Variants in GLIS3 observed in about 807,000 individuals in gnomAD.
The protein encoded by GLIS3 is GLIS family zinc finger 3.
Under a neutral mutation model 78.6 loss-of-function variants are expected in GLIS3, and 53 were observed. The observed-to-expected ratio is 0.67, with a 90% confidence interval of 0.54 to 0.85. GLIS3 has a LOEUF of 0.85. Ranked by LOEUF, GLIS3 falls within the 40% of genes least tolerant of loss-of-function variation. GLIS3 has a pLI of 0.00. For synonymous variants in GLIS3, 684 were observed against 509.9 expected (o/e 1.34, Z -4.60); for missense variants, 1,703 against 1,231.1 (o/e 1.38, Z -5.74).
intron 1 of GLIS3, among the ~76,000 whole-genome samples, chr9:4,297,940 G>A (rs532705114): frequency 1.4e-5 from 2 of 143,258 alleles, no homozygotes; most frequent in Non-Finnish European, 3.1e-5. Context: ...CGCGGAGCTA[G>A]GGGCGGGTCC....
the GLIS3 span, among the ~76,000 whole-genome samples, chr9:4,447,879 A>G: frequency 3.3e-5 from 5 of 151,586 alleles, no homozygotes; most frequent in African/African-American, 1.2e-4. Context: ...TCCCTTTTAC[A>G]TTTTTCACTG....
At chr9:4,082,461 A>G (rs1207013275) in intron 4 of GLIS3, among the ~76,000 whole-genome samples, 1 of 152,242 alleles carries the variant, frequency 6.6e-6, no homozygotes, top group Non-Finnish European at 1.5e-5. Context: ...GGGGTGGGCA[A>G]GATATAAGCC....
chr9:4,286,013 A>G (rs754393796), intron 2 of GLIS3, 25 bp downstream of exon 2: 1 of 1,614,046 alleles, frequency 6.2e-7, no homozygotes, highest in Non-Finnish European at 8.5e-7. Context: ...TCCATTTTTA[A>G]AAGGTTCCAG....
At chr9:4,291,461 A>T (rs994259685) in intron 1 of GLIS3, among the ~76,000 whole-genome samples, 1 of 152,142 alleles carries the variant, frequency 6.6e-6, no homozygotes, top group Non-Finnish European at 1.5e-5. Context: ...ATATTTTATA[A>T]AATTTTCTCA....
At chr9:4,455,362 A>ATG in the GLIS3 span, among the ~76,000 whole-genome samples, 1 of 152,178 alleles carries the variant, frequency 6.6e-6, no homozygotes, top group Admixed American at 6.5e-5. Context: ...TAGTGGAGAG[A>ATG]TTATTAATAG....
chr9:4,042,953 A>G (rs1437543587), intron 4 of GLIS3, among the ~76,000 whole-genome samples: 1 of 148,986 alleles, frequency 6.7e-6, no homozygotes, highest in East Asian at 2.0e-4. Context: ...TTGAAAAGAA[A>G]AAAAAAAAAA....
chr9:4,288,521 G>A (rs893564387), intron 1 of GLIS3, among the ~76,000 whole-genome samples: 2 of 151,866 alleles, frequency 1.3e-5, no homozygotes, highest in East Asian at 1.9e-4. Context: ...GATCATATAC[G>A]AGCAGGAATT....
chr9:4,185,208 T>G (rs1030565279), intron 2 of GLIS3, among the ~76,000 whole-genome samples: 3 of 152,244 alleles, frequency 2.0e-5, no homozygotes, highest in Non-Finnish European at 2.9e-5. Flanking sequence ...AATCACAGTC[T>G]GTGGTCTTTT....
intron 4 of GLIS3, among the ~76,000 whole-genome samples, chr9:4,095,622 G>A (rs1829876634): frequency 6.6e-6 from 1 of 152,106 alleles, no homozygotes; most frequent in Non-Finnish European, 1.5e-5. Flanking sequence ...CAACAATTCT[G>A]TCCTCTTGAA....
At chr9:3,978,555 T>G (rs2130954318) in intron 4 of GLIS3, among the ~76,000 whole-genome samples, 1 of 152,172 alleles carries the variant, frequency 6.6e-6, no homozygotes, top group Non-Finnish European at 1.5e-5. Flanking sequence ...ATCCATACAT[T>G]ACTGAATCAA....
At chr9:4,147,029 T>G (rs1414742296) in intron 2 of GLIS3, among the ~76,000 whole-genome samples, 1 of 152,214 alleles carries the variant, frequency 6.6e-6, no homozygotes, top group Non-Finnish European at 1.5e-5. Context: ...CCTCTAATTT[T>G]CTAGCCACCC....
chr9:3,853,268 C>T (rs1359683215), intron 9 of GLIS3, among the ~76,000 whole-genome samples: 1 of 152,062 alleles, frequency 6.6e-6, no homozygotes, highest in Non-Finnish European at 1.5e-5. Context: ...GTTGACAATA[C>T]ATTCATTATT....
chr9:3,955,193 A>C (rs1817016316), intron 4 of GLIS3, among the ~76,000 whole-genome samples: 1 of 152,190 alleles, frequency 6.6e-6, no homozygotes, highest in Non-Finnish European at 1.5e-5. Context: ...TAATCAGGGA[A>C]GATGGCCCGC....
chr9:4,008,736 T>G (rs560102060), intron 4 of GLIS3, among the ~76,000 whole-genome samples: 3 of 152,344 alleles, frequency 2.0e-5, no homozygotes, highest in African/African-American at 7.2e-5. Flanking sequence ...TGGAGGCTTC[T>G]GACCCTGGTC....
intron 2 of GLIS3, among the ~76,000 whole-genome samples, chr9:4,250,156 C>T (rs1824219281): frequency 6.6e-6 from 1 of 152,204 alleles, no homozygotes; most frequent in Non-Finnish European, 1.5e-5. Flanking sequence ...GGAGGATTCC[C>T]TCTTTTTCTA....
At chr9:4,313,868 C>A (rs1478425483) in intron 2 of GLIS3, among the ~76,000 whole-genome samples, 2 of 152,150 alleles carry the variant, frequency 1.3e-5, no homozygotes, top group Non-Finnish European at 2.9e-5. Flanking sequence ...GTCTTTTACA[C>A]CTCTATCTGA....
At chr9:4,457,220 G>T in the GLIS3 span, among the ~76,000 whole-genome samples, 1 of 151,948 alleles carries the variant, frequency 6.6e-6, no homozygotes, top group Non-Finnish European at 1.5e-5. Flanking sequence ...AATTACCCTG[G>T]CTTGGTGGCA....
At chr9:4,317,627 G>A (rs1226081623) in intron 2 of GLIS3, among the ~76,000 whole-genome samples, 1 of 152,172 alleles carries the variant, frequency 6.6e-6, no homozygotes, top group Non-Finnish European at 1.5e-5. Flanking sequence ...ATTTTCATTA[G>A]TCATAGATTC....
chr9:4,320,392 T>G (rs984376720), intron 2 of GLIS3, among the ~76,000 whole-genome samples: 2 of 152,182 alleles, frequency 1.3e-5, no homozygotes, highest in Non-Finnish European at 1.5e-5. Context: ...CAGTTCACCA[T>G]GCCTCAAACT....
Sources: gnomAD v4.1 joint callset for allele counts (sites outside exome capture counted in the v4.1 genomes callset) on GRCh38, gnomAD v4.1.1 for gene constraint, MANE v1.5 for transcripts, NCBI Gene and HGNC (gene_info 2026-07-23, HGNC 2026-07-21) for gene names.